Variants in UNC93B1 observed in about 807,000 individuals in gnomAD.
UNC93B1 encodes the protein protein unc-93 homolog B1.
UNC93B1 carries 33 observed loss-of-function variants against 56.8 expected under a neutral mutation model. That is an observed-to-expected ratio of 0.58 (90% CI 0.44 to 0.78). UNC93B1 has a LOEUF of 0.78. Among genes scored for constraint, UNC93B1 ranks in the 30% least tolerant of loss-of-function variants. The probability of loss-of-function intolerance (pLI) is 0.00; values close to 1 mark genes in which losing one functional copy is unlikely to be tolerated. For synonymous variants in UNC93B1, 334 were observed against 358.6 expected (o/e 0.93, Z 0.77); for missense variants, 673 against 819.5 (o/e 0.82, Z 2.18).
At chr11:67,997,843 C>A in intron 6 of UNC93B1, 44 bp from the exon 7 acceptor site, 1 of 1,590,274 alleles carries the variant, frequency 6.3e-7, no homozygotes. Context: ...GAGAGTAGGG[C>A]ACACAGTCAA....
At position 68,003,221 on chromosome 11, in the gene UNC93B1, G is replaced by A; in HGVS notation, c.239-46C>T. On this transcript the variant is annotated intron_variant, in intron 2 of 10. Coordinates refer to ENST00000227471, the MANE Select transcript of UNC93B1 (RefSeq NM_030930.4). This position sits in a 1 kb window ranked among gnomAD's most constrained non-coding sequence, Gnocchi z 4.4. ...GGCGTGCAGGGAGCAGCCTAGCTTT[G>A]GGCGCCACCGAGCAGAAGACGGCAT... The A allele has an allele frequency of 6.4e-7, 1 of 1,558,986 alleles. No homozygotes were observed. The highest frequency in any genetic ancestry group is 8.6e-7 in the Non-Finnish European group (1 of 1,158,780).
intron 3 of UNC93B1, among the ~76,000 whole-genome samples, chr11:68,002,113 T>A (rs997627181): frequency 2.0e-5 from 3 of 151,116 alleles, no homozygotes; most frequent in Non-Finnish European, 4.4e-5. Flanking sequence ...CACTGCAGTC[T>A]AGGTGACAGA....
chr11:67,996,647 G>A lies in UNC93B1; in HGVS notation c.1044C>T (p.Ile348=). 2 of 1,551,568 alleles carry A rather than the reference G, an allele frequency of 1.3e-6. No individual in the cohort carries two copies. The highest frequency in any genetic ancestry group is 2.4e-5 in the South Asian group (2 of 84,064). Residue 348 remains isoleucine (I), a synonymous_variant, in exon 8 of 11, where the codon ATC becomes ATT. Transcript: ENST00000227471. ...YRLRHLVPFF[I]YSGFEVLFAC... is the part of the protein sequence containing the mutation. ...CAAAGAGCACCTCGAAGCCGCTGTA[G>A]ATAAAGAAAGGCACGAGGTGGCGCA...
At position 68,003,877 on chromosome 11, in the gene UNC93B1, G is replaced by A. The variant is rs1474509514; in HGVS notation, c.96+71C>T. The A allele has an allele frequency of 1.6e-6, 2 of 1,281,966 alleles. No homozygotes were observed. The highest frequency in any genetic ancestry group is 2.0e-6 in the Non-Finnish European group (2 of 1,020,732). 79.4% of individuals were successfully genotyped at this position (1,281,966 alleles called of 1,614,324 possible). A position where few individuals can be genotyped will look rare whatever the true frequency, so the allele number is the denominator to read the frequency against. On this transcript the variant is annotated intron_variant, in intron 1 of 10. Transcript: ENST00000227471. This position sits in a 1 kb window ranked among gnomAD's most constrained non-coding sequence, Gnocchi z 4.4. ...CCCGGTGCCCGCCGCCCCCCGGCCC[G>A]CCCCGCCCCCGCCGGGGGGACCCTG...
intron 7 of UNC93B1, among the ~76,000 whole-genome samples, chr11:67,997,384 T>C (rs1856966636): frequency 2.0e-5 from 3 of 152,194 alleles, no homozygotes; most frequent in South Asian, 2.1e-4. Context: ...TTCTAAGATC[T>C]TGTCTCCAGC....
At position 67,993,661 on chromosome 11, in the gene UNC93B1, C is replaced by T. The variant is rs1333615019; in HGVS notation, c.1482+15G>A. The T allele has an allele frequency of 2.4e-5, 26 of 1,074,048 alleles. No homozygotes were observed. In the South Asian group the frequency reaches 3.0e-4, roughly 12 times the overall value. 66.5% of individuals were successfully genotyped at this position (1,074,048 alleles called of 1,614,324 possible). A position where few individuals can be genotyped will look rare whatever the true frequency, so the allele number is the denominator to read the frequency against. The stretch of plus-strand genomic sequence containing the variant: ...TGTCATTGGGCATGGGGCCCCCAAC[C>T]CTGCCCAGTCTCACCTTCATGTGCA... On this transcript the variant is annotated intron_variant, in intron 10 of 10. Transcript: ENST00000227471.
chr11:68,003,771 T>C lies in UNC93B1; in HGVS notation c.124A>G (p.Asn42Asp). The stretch of plus-strand genomic sequence containing the variant: ...CGCTCCTCCTCCTCCTCGTTGTAGT[T>C]GGGGTACGCGCCCACCAGCTCGTCC... ...PLDELVGAYPNYNEEEEERRY... is the reference protein window; with the variant it reads ...PLDELVGAYPDYNEEEEERRY... Residue 42 changes from asparagine to aspartate, a missense_variant, in exon 2 of 11, where the codon AAC becomes GAC. Coordinates refer to ENST00000227471, the MANE Select transcript of UNC93B1 (RefSeq NM_030930.4). This position sits in a 1 kb window ranked among gnomAD's most constrained non-coding sequence, Gnocchi z 4.4. 1 of 1,518,072 alleles carries C rather than the reference T, an allele frequency of 6.6e-7. No individual in the cohort carries two copies. The highest frequency in any genetic ancestry group is 1.4e-5 in the African/African-American group (1 of 70,160). 94.0% of individuals were successfully genotyped at this position (1,518,072 alleles called of 1,614,324 possible). A position where few individuals can be genotyped will look rare whatever the true frequency, so the allele number is the denominator to read the frequency against.
chr11:67,998,003 A>G (rs1856979729), intron 6 of UNC93B1, among the ~76,000 whole-genome samples: 1 of 152,206 alleles, frequency 6.6e-6, no homozygotes, highest in Non-Finnish European at 1.5e-5. Context: ...GTTCCCCGGG[A>G]AAGGGGCATC....
Position 67,996,214 on chromosome 11 carries a change from G to A in UNC93B1, c.1090-330C>T, listed in dbSNP as rs544495058. Among the ~76,000 whole-genome samples, 73 of 151,806 alleles carry A rather than the reference G, an allele frequency of 4.8e-4. 1 individual carries two copies. Among genetic ancestry groups the A allele is most frequent in the Non-Finnish European group, 6.3e-4 (43 of 67,866 alleles). On this transcript the variant is annotated intron_variant, in intron 8 of 10. Transcript: ENST00000227471. Reference sequence around the variant, plus strand: ...GGAGTAAGAGCCAGGTGGGGAGAAGGGCTGGCTCTTACTCCCCACAAGAGG... The same window carrying A: ...GGAGTAAGAGCCAGGTGGGGAGAAGAGCTGGCTCTTACTCCCCACAAGAGG...
rs1490111244 is a variant in UNC93B1 at position 67,999,673 on chromosome 11, C to CA, written c.399dup (p.Gly134TrpfsTer59). ...GCGAGGAACATCATCCACTTCGTTC[C>CA]AAAAAACCTGCGGACAGTGGGAGAG... On this transcript the variant is annotated frameshift_variant, in exon 4 of 11. Coordinates refer to ENST00000227471, the MANE Select transcript of UNC93B1 (RefSeq NM_030930.4). LOFTEE classifies it high-confidence loss of function. 1.2e-6 allele frequency: 2 copies of CA among 1,611,040 alleles called. No homozygotes were observed. Among genetic ancestry groups the CA allele is most frequent in the South Asian group, 1.1e-5 (1 of 90,410 alleles).
chr11:67,995,893 G>C lies in UNC93B1; in HGVS notation c.1090-9C>G. ...GAGCACACGCCATAGCCCTGCGGGG[G>C]GACAAGGGGTGAGTGTTGAAGTCTG... On this transcript the variant is annotated splice_polypyrimidine_tract_variant and intron_variant, in intron 8 of 10. Coordinates refer to ENST00000227471, the MANE Select transcript of UNC93B1 (RefSeq NM_030930.4). 1 of 1,488,524 alleles carries C rather than the reference G, an allele frequency of 6.7e-7. No homozygotes were observed. The highest frequency in any genetic ancestry group is 1.4e-5 in the African/African-American group (1 of 71,442). 92.2% of individuals were successfully genotyped at this position (1,488,524 alleles called of 1,614,324 possible).
Position 68,003,620 on chromosome 11 carries a change from C to A in UNC93B1, c.238+37G>T. ...TCTGTTTCCCGGGCCGGGCTGGGAG[C>A]GGGCGGGGCGGCCCCGGGTCCCCGA... On this transcript the variant is annotated intron_variant, in intron 2 of 10. Transcript: ENST00000227471. The surrounding 1 kb of genome is among the most constrained non-coding windows in gnomAD (Gnocchi z 4.4). The A allele has an allele frequency of 1.3e-6, 2 of 1,496,834 alleles. No individual in the cohort carries two copies. The highest frequency in any genetic ancestry group is 1.8e-6 in the Non-Finnish European group (2 of 1,128,154). 92.7% of individuals were successfully genotyped at this position (1,496,834 alleles called of 1,614,324 possible).
chr11:67,997,013 G>A (rs1204612434), intron 7 of UNC93B1, among the ~76,000 whole-genome samples: 1 of 151,954 alleles, frequency 6.6e-6, no homozygotes, highest in East Asian at 1.9e-4. Flanking sequence ...CCGAAAGACG[G>A]TGGTCTTGCC....
At chr11:68,002,500 G>A (rs1857062933) in intron 3 of UNC93B1, among the ~76,000 whole-genome samples, 1 of 152,136 alleles carries the variant, frequency 6.6e-6, no homozygotes, top group Non-Finnish European at 1.5e-5. Flanking sequence ...GTCCCATCAG[G>A]GAGGGCACTG....
intron 4 of UNC93B1, 32 bp from the exon 5 acceptor site, chr11:67,999,337 G>A: frequency 6.3e-7 from 1 of 1,591,546 alleles, no homozygotes; most frequent in Non-Finnish European, 8.6e-7. Flanking sequence ...GCTCTCCCCA[G>A]CCCGACCTGT....
Position 68,003,629 on chromosome 11 carries a change from C to T in UNC93B1, c.238+28G>A. The T allele has an allele frequency of 6.7e-7, 1 of 1,503,306 alleles. No homozygotes were observed. 93.1% of individuals were successfully genotyped at this position (1,503,306 alleles called of 1,614,324 possible). ...CGGGCCGGGCTGGGAGCGGGCGGGG[C>T]GGCCCCGGGTCCCCGAGCGGCACCT... On this transcript the variant is annotated intron_variant, in intron 2 of 10. Coordinates refer to ENST00000227471, the MANE Select transcript of UNC93B1 (RefSeq NM_030930.4). The surrounding 1 kb of genome is among the most constrained non-coding windows in gnomAD (Gnocchi z 4.4).
At chr11:67,997,549 A>G in intron 7 of UNC93B1, 126 bp downstream of exon 7, 2 of 1,497,002 alleles carry the variant, frequency 1.3e-6, no homozygotes, top group Non-Finnish European at 1.8e-6. Flanking sequence ...TCCCAGGCCT[A>G]CGGCCTGCCC....
In UNC93B1 at chr11:68,003,322, G is replaced by A. The variant is rs371817301; in HGVS notation, c.239-147C>T. On this transcript the variant is annotated intron_variant, in intron 2 of 10. Transcript: ENST00000227471. This position sits in a 1 kb window ranked among gnomAD's most constrained non-coding sequence, Gnocchi z 4.4. ...CCCCTCAGGACAGCGGGGTTCCCGGGCTGCGCCACGCCTTCTGCCAGCCCG... is the reference window on the plus strand; with the variant it reads ...CCCCTCAGGACAGCGGGGTTCCCGGACTGCGCCACGCCTTCTGCCAGCCCG... The A allele has an allele frequency of 1.9e-6, 2 of 1,067,202 alleles. No homozygotes were observed. Among genetic ancestry groups the A allele is most frequent in the Admixed American group, 3.1e-5 (1 of 32,164 alleles). 66.1% of individuals were successfully genotyped at this position (1,067,202 alleles called of 1,614,324 possible).
At chr11:68,000,407 G>A (rs1857026588) in intron 3 of UNC93B1, among the ~76,000 whole-genome samples, 1 of 152,216 alleles carries the variant, frequency 6.6e-6, no homozygotes, top group East Asian at 1.9e-4. Context: ...GCTCACATCT[G>A]TAATTCCAGC....
Sources: gnomAD v4.1 joint callset for allele counts (sites outside exome capture counted in the v4.1 genomes callset) on GRCh38, gnomAD v4.1.1 for gene constraint, Gnocchi (gnomAD v3.1) non-coding constraint, MANE v1.5 for transcripts, NCBI Gene and HGNC (gene_info 2026-07-23, HGNC 2026-07-21) for gene names.